The following UBE2G1 variants were observed in gnomAD, a reference collection of about 807,000 sequenced individuals.
UBE2G1 encodes the protein ubiquitin conjugating enzyme E2 G1.
In UBE2G1, 5 loss-of-function variants were observed where a neutral mutation model predicts 22.7. The ratio of observed to expected loss-of-function variants is 0.22; its 90% CI spans 0.12 to 0.46. The LOEUF (loss-of-function observed/expected upper bound fraction) is 0.46. UBE2G1 is among the 20% of genes least tolerant of loss of function. The probability of loss-of-function intolerance (pLI) is 0.99; values close to 1 mark genes in which losing one functional copy is unlikely to be tolerated. For missense variants in UBE2G1, 88 were observed against 203.9 expected (o/e 0.43, Z 3.46); for synonymous variants, 74 against 67.5 (o/e 1.10, Z -0.47).
chr17:4,278,925 C>T (rs1027061991), intron 5 of UBE2G1, among the ~76,000 whole-genome samples: 1 of 152,110 alleles, frequency 6.6e-6, no homozygotes, highest in Non-Finnish European at 1.5e-5. Context: ...GCATTTGATA[C>T]ATTTAATCAC....
chr17:4,363,683 T>C (rs1159415209), intron 1 of UBE2G1, among the ~76,000 whole-genome samples: 1 of 152,042 alleles, frequency 6.6e-6, no homozygotes, highest in African/African-American at 2.4e-5. Context: ...CCGGGCCCGG[T>C]GGCTCACGTC....
chr17:4,313,420 T>C (rs117634650), intron 1 of UBE2G1, among the ~76,000 whole-genome samples: 3,947 of 152,314 alleles, frequency 0.026, 62 homozygotes, highest in Non-Finnish European at 0.036. Context: ...CTTCTACTTA[T>C]ATTCCTAAGG....
intron 1 of UBE2G1, among the ~76,000 whole-genome samples, chr17:4,328,866 C>CACGA (rs1969531604): frequency 6.6e-6 from 1 of 152,150 alleles, no homozygotes; most frequent in South Asian, 2.1e-4. Context: ...GCGGGCAGAT[C>CACGA]ACGAGGTCAG....
chr17:4,332,827 G>A (rs773827671), intron 1 of UBE2G1, among the ~76,000 whole-genome samples: 5 of 151,984 alleles, frequency 3.3e-5, no homozygotes, highest in Non-Finnish European at 5.9e-5. Context: ...TGAGTTCCTC[G>A]GTCCACTGTC....
At chr17:4,312,841 A>G (rs142224932) in intron 1 of UBE2G1, among the ~76,000 whole-genome samples, 102 of 147,652 alleles carry the variant, frequency 6.9e-4, no homozygotes, top group African/African-American at 2.4e-3. Flanking sequence ...GGATTCAATT[A>G]AAAAAAAAAG....
chr17:4,307,832 G>A (rs964801870), intron 1 of UBE2G1, among the ~76,000 whole-genome samples: 30 of 152,178 alleles, frequency 2.0e-4, no homozygotes, highest in African/African-American at 7.0e-4. Context: ...ATGGAGAAAG[G>A]ATGACAGGGT....
chr17:4,308,075 C>T (rs931075925), intron 1 of UBE2G1, among the ~76,000 whole-genome samples: 2 of 152,092 alleles, frequency 1.3e-5, no homozygotes, highest in Non-Finnish European at 2.9e-5. Context: ...ACAATTTGGC[C>T]GGGCGTGGTG....
intron 1 of UBE2G1, chr17:4,331,782 T>C (rs1969581028): frequency 6.6e-6 from 1 of 152,104 alleles, no homozygotes; most frequent in Non-Finnish European, 1.5e-5. Context: ...ACAGAGGAGC[T>C]GCAGCGAAGG....
At chr17:4,286,387 A>G (rs1465307949) in intron 4 of UBE2G1, among the ~76,000 whole-genome samples, 2 of 148,578 alleles carry the variant, frequency 1.3e-5, no homozygotes, top group African/African-American at 5.0e-5. Flanking sequence ...CCTGAGTAAC[A>G]GAGTGAGACT....
intron 1 of UBE2G1, among the ~76,000 whole-genome samples, chr17:4,365,317 C>G (rs1225755066): frequency 1.3e-5 from 2 of 152,224 alleles, no homozygotes; most frequent in Non-Finnish European, 2.9e-5. Context: ...CAACCCGCCT[C>G]CCCCCTTCCA....
At chr17:4,304,360 T>A (rs1969224204) in intron 2 of UBE2G1, among the ~76,000 whole-genome samples, 2 of 152,118 alleles carry the variant, frequency 1.3e-5, no homozygotes, top group African/African-American at 4.8e-5. Flanking sequence ...TGGATATGAG[T>A]GGTTATCCAT....
chr17:4,322,642 T>G (rs563675700), intron 1 of UBE2G1, among the ~76,000 whole-genome samples: 168 of 152,264 alleles, frequency 1.1e-3, no homozygotes, highest in Non-Finnish European at 2.0e-3. Context: ...GGTGAACCTA[T>G]GTAAGAGGCC....
chr17:4,335,391 A>T (rs939102947), intron 1 of UBE2G1: 15 of 152,204 alleles, frequency 9.9e-5, no homozygotes, highest in African/African-American at 3.1e-4. Context: ...ATGCCAGAAG[A>T]TAATGGAATA....
intron 1 of UBE2G1, among the ~76,000 whole-genome samples, chr17:4,315,884 A>G (rs868756507): frequency 1.4e-4 from 20 of 140,354 alleles, no homozygotes; most frequent in Non-Finnish European, 2.9e-4. Flanking sequence ...TCAGCTCACT[A>G]CAAGCTCCAC....
chr17:4,350,580 A>C, intron 1 of UBE2G1, among the ~76,000 whole-genome samples: 1 of 150,842 alleles, frequency 6.6e-6, no homozygotes, highest in Non-Finnish European at 1.5e-5. Context: ...TCTCCAAATT[A>C]AACTAATTGT....
intron 1 of UBE2G1, among the ~76,000 whole-genome samples, chr17:4,312,756 C>G (rs1969326522): frequency 6.7e-6 from 1 of 148,210 alleles, no homozygotes. Flanking sequence ...AAAGGAGATG[C>G]ATTTAAAGGA....
chr17:4,318,377 T>TA (rs1384794821), intron 1 of UBE2G1, among the ~76,000 whole-genome samples: 1 of 152,028 alleles, frequency 6.6e-6, no homozygotes, highest in African/African-American at 2.4e-5. Flanking sequence ...AGGCCCCCGG[T>TA]ACCCCAAGGC....
Position 4,337,586 on chromosome 17 carries a change from G to A in UBE2G1, c.46+28685C>T, listed in dbSNP as rs574523109. Among the ~76,000 whole-genome samples, 36 of 150,828 alleles carry A rather than the reference G, an allele frequency of 2.4e-4. No individual in the cohort carries two copies. In the South Asian group the frequency reaches 6.3e-3, roughly 26 times the overall value. On this transcript the variant is annotated intron_variant, in intron 1 of 5. Coordinates refer to ENST00000396981, the MANE Select transcript of UBE2G1 (RefSeq NM_003342.5). ...GAGGATCACTTGAACCCGGGAGGTG[G>A]AGGTTGCAATGAGCTGAAATCACGC...
At chr17:4,281,198 C>T (rs922141090) in intron 5 of UBE2G1, among the ~76,000 whole-genome samples, 1 of 152,060 alleles carries the variant, frequency 6.6e-6, no homozygotes, top group Non-Finnish European at 1.5e-5. Flanking sequence ...GGTAATTTAC[C>T]CAGTGTAATA....
Sources: allele counts gnomAD v4.1 joint callset (sites outside exome capture counted in the v4.1 genomes callset), GRCh38; gene constraint gnomAD v4.1.1; transcripts MANE v1.5; gene names NCBI Gene and HGNC (gene_info 2026-07-23, HGNC 2026-07-21).